RIMS1: variants seen among roughly 807,000 people sequenced by gnomAD.
RIMS1 encodes the protein regulating synaptic membrane exocytosis protein 1.
Under a neutral mutation model 214.1 loss-of-function variants are expected in RIMS1, and 83 were observed. The ratio of observed to expected loss-of-function variants is 0.39; its 90% CI spans 0.32 to 0.47. The LOEUF (loss-of-function observed/expected upper bound fraction) is 0.47, where lower values mean the gene tolerates loss of function less well. RIMS1 is among the 20% of genes least tolerant of loss of function. The pLI, the probability that RIMS1 is intolerant of heterozygous loss-of-function variation, is 0.99. For missense variants in RIMS1, 2,050 were observed against 2,161.8 expected, an observed-to-expected ratio of 0.95 and a Z score of 1.03; for synonymous variants, 793 against 786.8, an observed-to-expected ratio of 1.01 and a Z score of -0.13.
chr6:72,227,968 TC>T (rs2060733081), intron 6 of RIMS1, among the ~76,000 whole-genome samples: 1 of 151,914 alleles, frequency 6.6e-6, no homozygotes, highest in African/African-American at 2.4e-5. Flanking sequence ...GAAATATTTT[TC>T]TTTTTTTAAA....
intron 4 of RIMS1, among the ~76,000 whole-genome samples, chr6:72,136,424 A>T (rs1230729829): frequency 6.6e-6 from 1 of 152,154 alleles, no homozygotes; most frequent in African/African-American, 2.4e-5. Context: ...AAAAAAAATG[A>T]AAAGGTTTAC....
At chr6:72,071,121 G>A (rs996002156) in intron 2 of RIMS1, among the ~76,000 whole-genome samples, 4 of 152,166 alleles carry the variant, frequency 2.6e-5, no homozygotes, top group Admixed American at 2.6e-4. Flanking sequence ...AATAGGCTCA[G>A]CACAGTGGCT....
chr6:72,257,593 T>A (rs2076405043), intron 16 of RIMS1, among the ~76,000 whole-genome samples: 1 of 152,144 alleles, frequency 6.6e-6, no homozygotes, highest in African/African-American at 2.4e-5. Flanking sequence ...ATGAGTATAA[T>A]GGTGAAGATC....
At chr6:72,397,074 T>TA (rs2098788152) in intron 31 of RIMS1, among the ~76,000 whole-genome samples, 1 of 152,056 alleles carries the variant, frequency 6.6e-6, no homozygotes, top group South Asian at 2.1e-4. Context: ...GGACAGTTGT[T>TA]AAAAAATATA....
At chr6:72,092,700 G>A (rs1321679508) in intron 2 of RIMS1, among the ~76,000 whole-genome samples, 3 of 152,142 alleles carry the variant, frequency 2.0e-5, no homozygotes, top group Admixed American at 2.0e-4. Flanking sequence ...ATGGCCTCAT[G>A]AGCTTTGGGA....
chr6:71,897,459 A>G (rs1247841988), intron 1 of RIMS1, among the ~76,000 whole-genome samples: 5 of 152,162 alleles, frequency 3.3e-5, no homozygotes, highest in African/African-American at 4.8e-5. Context: ...TCCTGCCATA[A>G]TCTTGCTGAA....
chr6:72,232,581 G>GT (rs1055342239), intron 6 of RIMS1, among the ~76,000 whole-genome samples: 1 of 151,538 alleles, frequency 6.6e-6, no homozygotes, highest in Non-Finnish European at 1.5e-5. Flanking sequence ...ACAGAATATA[G>GT]TTTTTTCTAA....
intron 2 of RIMS1, among the ~76,000 whole-genome samples, chr6:71,978,658 G>A (rs995281422): frequency 1.3e-5 from 2 of 152,014 alleles, no homozygotes; most frequent in Non-Finnish European, 2.9e-5. Context: ...TTCTGAGACA[G>A]GCCTTCTCTG....
intron 24 of RIMS1, among the ~76,000 whole-genome samples, chr6:72,288,884 GA>G (rs72403523): frequency 0.3 from 44,850 of 151,754 alleles, 7,456 homozygotes; most frequent in Non-Finnish European, 0.38. Flanking sequence ...TCATGTCAAA[GA>G]AAAAAAACAT....
intron 24 of RIMS1, among the ~76,000 whole-genome samples, chr6:72,290,268 A>G (rs575122702): frequency 1.3e-5 from 2 of 152,202 alleles, no homozygotes; most frequent in Non-Finnish European, 2.9e-5. Context: ...AAGCACTTGA[A>G]GCTTTCCTGT....
At chr6:72,274,456 G>A in intron 23 of RIMS1, 24 bp downstream of exon 23, 1 of 1,580,956 alleles carries the variant, frequency 6.3e-7, no homozygotes, top group Non-Finnish European at 8.7e-7. Context: ...CCTCCTCACA[G>A]ACAAGTGGCT....
chr6:72,140,856 G>T (rs771054601), intron 4 of RIMS1, among the ~76,000 whole-genome samples: 1 of 152,044 alleles, frequency 6.6e-6, no homozygotes, highest in Non-Finnish European at 1.5e-5. Context: ...TCATATAGAT[G>T]TAAAGATACT....
At chr6:72,183,609 AT>A (rs1470226477) in intron 6 of RIMS1, among the ~76,000 whole-genome samples, 1 of 150,702 alleles carries the variant, frequency 6.6e-6, no homozygotes, top group African/African-American at 2.4e-5. Flanking sequence ...CTTTCTCACA[AT>A]TTGTGAACAG....
chr6:72,231,973 G>C (rs529981525), intron 6 of RIMS1, among the ~76,000 whole-genome samples: 17 of 151,634 alleles, frequency 1.1e-4, no homozygotes, highest in Non-Finnish European at 2.2e-4. Flanking sequence ...ATCCTGAGGA[G>C]TAGTTTTCAA....
At chr6:72,016,704 CT>C (rs1246896368) in intron 2 of RIMS1, among the ~76,000 whole-genome samples, 1 of 151,984 alleles carries the variant, frequency 6.6e-6, no homozygotes, top group Non-Finnish European at 1.5e-5. Context: ...TCTAGAAGTG[CT>C]TTTTTTCTGT....
intron 6 of RIMS1, among the ~76,000 whole-genome samples, chr6:72,198,643 C>G (rs1173628024): frequency 2.0e-5 from 3 of 151,726 alleles, no homozygotes; most frequent in Non-Finnish European, 2.9e-5. Flanking sequence ...TTCAGAATAG[C>G]TAGAAGAGAG....
chr6:72,025,281 G>A (rs1816081571), intron 2 of RIMS1, among the ~76,000 whole-genome samples: 1 of 152,100 alleles, frequency 6.6e-6, no homozygotes, highest in Admixed American at 6.6e-5. Flanking sequence ...TTTGAGTTTG[G>A]TTTTTCCCCA....
chr6:72,131,382 G>A (rs572185822), intron 4 of RIMS1, among the ~76,000 whole-genome samples: 9 of 152,130 alleles, frequency 5.9e-5, no homozygotes, highest in Non-Finnish European at 1.0e-4. Flanking sequence ...TTCCCTAAGT[G>A]TCGGCAGGTT....
At chr6:72,108,581 C>T (rs908660050) in intron 4 of RIMS1, among the ~76,000 whole-genome samples, 1 of 152,032 alleles carries the variant, frequency 6.6e-6, no homozygotes. Context: ...TATCCTCCTG[C>T]CCTCACTGTG....
Sources: gnomAD v4.1 joint callset for allele counts (sites outside exome capture counted in the v4.1 genomes callset) on GRCh38, gnomAD v4.1.1 for gene constraint, MANE v1.5 for transcripts, NCBI Gene and HGNC (gene_info 2026-07-23, HGNC 2026-07-21) for gene names.